Variants in KCNH1 observed in about 807,000 individuals in gnomAD.
KCNH1 encodes the protein voltage-gated delayed rectifier potassium channel KCNH1.
In KCNH1, 27 loss-of-function variants were observed where a neutral mutation model predicts 69.2. That is an observed-to-expected ratio of 0.39 (90% CI 0.29 to 0.54). The LOEUF (loss-of-function observed/expected upper bound fraction) is 0.54, where lower values mean the gene tolerates loss of function less well. Ranked by LOEUF, KCNH1 falls within the 20% of genes least tolerant of loss-of-function variation. The probability of loss-of-function intolerance (pLI) is 0.68; values close to 1 mark genes in which losing one functional copy is unlikely to be tolerated. For missense variants in KCNH1, 798 were observed against 1,261.6 expected (o/e 0.63, Z 5.57); for synonymous variants, 456 against 487.7 (o/e 0.93, Z 0.86).
chr1:210,866,469 T>C (rs1433325164), intron 7 of KCNH1, among the ~76,000 whole-genome samples: 2 of 152,052 alleles, frequency 1.3e-5, no homozygotes, highest in African/African-American at 4.8e-5. Flanking sequence ...AATAGACATT[T>C]CTCCAAAGAA....
In KCNH1 at chr1:211,098,357, A is replaced by G. The variant is rs1691197230; in HGVS notation, c.310+5139T>C. Among the ~76,000 whole-genome samples the G allele has an allele frequency of 2.0e-5, 3 of 151,774 alleles. No homozygotes were observed. The Admixed American group carries it at 2.0e-4, about 10-fold the overall frequency. ...AAAAAGAAAGAAAAGAAAATCATACAGCATACTAAACATTAGGCAAGTAAC... is the reference window on the plus strand; with the variant it reads ...AAAAAGAAAGAAAAGAAAATCATACGGCATACTAAACATTAGGCAAGTAAC... On this transcript the variant is annotated intron_variant, in intron 3 of 10. Transcript: ENST00000271751.
chr1:211,027,304 T>C (rs1410359946), intron 5 of KCNH1, among the ~76,000 whole-genome samples: 2 of 152,128 alleles, frequency 1.3e-5, no homozygotes, highest in Non-Finnish European at 2.9e-5. Flanking sequence ...ATCCAATGGA[T>C]AGGCTCAAAA....
chr1:210,756,711 C>G (rs1055951534), intron 10 of KCNH1, among the ~76,000 whole-genome samples: 1 of 152,092 alleles, frequency 6.6e-6, no homozygotes, highest in Admixed American at 6.5e-5. Context: ...TCACTGGTGG[C>G]CCCCTGGGAA....
At chr1:210,886,600 G>C (rs1047716701) in intron 7 of KCNH1, among the ~76,000 whole-genome samples, 1 of 151,900 alleles carries the variant, frequency 6.6e-6, no homozygotes, top group Non-Finnish European at 1.5e-5. Context: ...AAACTTCTCC[G>C]AGCTAAAGGA....
At chr1:210,948,596 G>A (rs767337993) in intron 6 of KCNH1, among the ~76,000 whole-genome samples, 34 of 152,078 alleles carry the variant, frequency 2.2e-4, no homozygotes, top group Non-Finnish European at 5.9e-5. Context: ...TTGGGAGGCT[G>A]AGGCGGGCGG....
chr1:210,724,753 C>T (rs551918473), intron 10 of KCNH1, among the ~76,000 whole-genome samples: 15 of 152,166 alleles, frequency 9.9e-5, no homozygotes, highest in South Asian at 8.3e-4. Context: ...GTGAGAATAC[C>T]GACTCACAAA....
intron 10 of KCNH1, among the ~76,000 whole-genome samples, chr1:210,762,467 C>T (rs757414690): frequency 2.6e-5 from 4 of 151,970 alleles, no homozygotes; most frequent in Admixed American, 6.6e-5. Context: ...TAAACAAGTT[C>T]GATAGACCAC....
intron 5 of KCNH1, among the ~76,000 whole-genome samples, chr1:211,052,189 C>T (rs1211590179): frequency 1.3e-5 from 2 of 152,224 alleles, no homozygotes; most frequent in African/African-American, 4.8e-5. Flanking sequence ...CACAAAATCC[C>T]AGCCTCAGAA....
chr1:210,950,043 A>C (rs1278110072), intron 6 of KCNH1, among the ~76,000 whole-genome samples: 1 of 152,194 alleles, frequency 6.6e-6, no homozygotes, highest in Non-Finnish European at 1.5e-5. Flanking sequence ...AAAGAGAACA[A>C]GAACAAAAAC....
intron 8 of KCNH1, among the ~76,000 whole-genome samples, chr1:210,800,339 C>A (rs1437156175): frequency 6.6e-6 from 1 of 152,226 alleles, no homozygotes; most frequent in Non-Finnish European, 1.5e-5. Context: ...TAATGAGGAG[C>A]ACTCACACGC....
chr1:211,006,278 T>C (rs567487954), intron 6 of KCNH1, among the ~76,000 whole-genome samples: 99 of 152,328 alleles, frequency 6.5e-4, no homozygotes, highest in Non-Finnish European at 9.7e-4. Flanking sequence ...GTATGAATAA[T>C]ATTCATTTAA....
intron 5 of KCNH1, among the ~76,000 whole-genome samples, chr1:211,074,366 A>G (rs1690697763): frequency 6.6e-6 from 1 of 151,938 alleles, no homozygotes; most frequent in South Asian, 2.1e-4. Flanking sequence ...ATATATTAAT[A>G]ATAGTTAATT....
intron 5 of KCNH1, among the ~76,000 whole-genome samples, chr1:211,060,643 T>G (rs896256015): frequency 6.6e-6 from 1 of 151,840 alleles, no homozygotes; most frequent in Non-Finnish European, 1.5e-5. Context: ...CAATGGATAT[T>G]GCTGAAATAG....
intron 6 of KCNH1, among the ~76,000 whole-genome samples, chr1:210,972,719 TG>T (rs1688532762): frequency 6.6e-6 from 1 of 152,122 alleles, no homozygotes; most frequent in Admixed American, 6.6e-5. Context: ...CTATATCTAC[TG>T]GTTAAATGTG....
intron 6 of KCNH1, among the ~76,000 whole-genome samples, chr1:211,008,722 G>C (rs1689333722): frequency 6.6e-6 from 1 of 152,212 alleles, no homozygotes; most frequent in Non-Finnish European, 1.5e-5. Context: ...CCGATGTTTT[G>C]ATCTAAGTAG....
intron 7 of KCNH1, among the ~76,000 whole-genome samples, chr1:210,912,159 G>A (rs184832193): frequency 4.1e-4 from 63 of 152,116 alleles, no homozygotes; most frequent in African/African-American, 1.1e-3. Flanking sequence ...AGAGTTATTG[G>A]GTTGTGAAAA....
chr1:210,962,330 T>C (rs1053831493), intron 6 of KCNH1, among the ~76,000 whole-genome samples: 1 of 152,220 alleles, frequency 6.6e-6, no homozygotes, highest in Non-Finnish European at 1.5e-5. Context: ...CATATATCTT[T>C]TCCATTTTTT....
chr1:210,710,334 C>T (rs112360177), intron 10 of KCNH1, among the ~76,000 whole-genome samples: 2 of 151,860 alleles, frequency 1.3e-5, no homozygotes, highest in Non-Finnish European at 2.9e-5. Context: ...CTAGGACATT[C>T]CTGTACACTA....
chr1:211,123,231 G>A (rs1335274983), intron 1 of KCNH1, among the ~76,000 whole-genome samples: 2 of 152,198 alleles, frequency 1.3e-5, no homozygotes, highest in African/African-American at 4.8e-5. Flanking sequence ...TAGGCCTGGA[G>A]TGGACCGCTG....
Sources: gnomAD v4.1 joint callset for allele counts (sites outside exome capture counted in the v4.1 genomes callset) on GRCh38, gnomAD v4.1.1 for gene constraint, MANE v1.5 for transcripts, NCBI Gene and HGNC (gene_info 2026-07-23, HGNC 2026-07-21) for gene names.